DTX1: variants seen among roughly 807,000 people sequenced by gnomAD.
DTX1 encodes the protein E3 ubiquitin-protein ligase DTX1.
Under a neutral mutation model 57.8 loss-of-function variants are expected in DTX1, and 26 were observed. The observed-to-expected ratio is 0.45, with a 90% CI of 0.33 to 0.62. The LOEUF (loss-of-function observed/expected upper bound fraction) is 0.62, where lower values mean the gene tolerates loss of function less well. Ranked by LOEUF, DTX1 falls within the 20% of genes least tolerant of loss-of-function variation. The pLI, the probability that DTX1 is intolerant of heterozygous loss-of-function variation, is 0.02. For synonymous variants in DTX1, 398 were observed against 394.1 expected (o/e 1.01, Z -0.12); for missense variants, 704 against 895.3 (o/e 0.79, Z 2.73).
intron 3 of DTX1, among the ~76,000 whole-genome samples, chr12:113,090,562 C>T (rs2136065758): frequency 2.6e-5 from 4 of 152,308 alleles, no homozygotes; most frequent in Middle Eastern, 3.4e-3. Flanking sequence ...TTCCCACCTC[C>T]ACTGACCAGG....
intron 2 of DTX1, among the ~76,000 whole-genome samples, chr12:113,068,050 A>G (rs2044715689): frequency 6.6e-6 from 1 of 152,166 alleles, no homozygotes; most frequent in African/African-American, 2.4e-5. Flanking sequence ...AAAAATAAAT[A>G]AATAAATAAA....
At chr12:113,065,902 C>T (rs1221651512) in intron 2 of DTX1, among the ~76,000 whole-genome samples, 1 of 152,108 alleles carries the variant, frequency 6.6e-6, no homozygotes, top group Non-Finnish European at 1.5e-5. Flanking sequence ...ACTCTCTCTC[C>T]AGTGTGATGT....
intron 3 of DTX1, chr12:113,090,088 A>G (rs1045206357): frequency 1.3e-5 from 2 of 152,226 alleles, no homozygotes; most frequent in Admixed American, 1.3e-4. Context: ...GGTGGTATGC[A>G]TGCTCAATAT....
In DTX1 at chr12:113,058,515, T is replaced by A. The variant is rs113809221; in HGVS notation, c.259+64T>A. 23 of 1,532,828 alleles carry A rather than the reference T, an allele frequency of 1.5e-5. No individual in the cohort carries two copies. In the African/African-American group the frequency reaches 1.9e-4, roughly 13 times the overall value. The allele number at this position is 1,532,828 out of a possible 1,614,324, so 95.0% of individuals were successfully genotyped here. ...GCCATCACTACCTTGCAGCGTAGGA[T>A]GCTGAAAATCCCAGTAAATCTGCTG... On this transcript the variant is annotated intron_variant, in intron 2 of 9. Transcript: ENST00000548759.
Position 113,093,278 on chromosome 12 carries a change from C to G in DTX1, c.1003+55C>G. 6.5e-7 allele frequency: 1 copy of G among 1,536,006 alleles called. No individual in the cohort carries two copies. Among genetic ancestry groups the G allele is most frequent in the Non-Finnish European group, 8.8e-7 (1 of 1,136,804 alleles). On this transcript the variant is annotated intron_variant, in intron 4 of 9. Transcript: ENST00000548759. This position sits in a 1 kb window ranked among gnomAD's most constrained non-coding sequence, Gnocchi z 4.2. ...GGCGGGGCCCACTAGGAGGCAGCTC[C>G]GCCTGTCACCCGGTGACCCCGCCCC...
At chr12:113,066,844 A>T (rs1372214229) in intron 2 of DTX1, among the ~76,000 whole-genome samples, 1 of 152,084 alleles carries the variant, frequency 6.6e-6, no homozygotes, top group Non-Finnish European at 1.5e-5. Context: ...GCGCCAAGGA[A>T]GTCCCAGCAT....
chr12:113,080,879 G>A (rs1358839475), intron 3 of DTX1, among the ~76,000 whole-genome samples: 3 of 151,688 alleles, frequency 2.0e-5, no homozygotes, highest in African/African-American at 7.3e-5. Flanking sequence ...GAAGGCTGAG[G>A]CAAGAGGATC....
At chr12:113,082,873 T>C (rs2136062157) in intron 3 of DTX1, among the ~76,000 whole-genome samples, 1 of 152,316 alleles carries the variant, frequency 6.6e-6, no homozygotes, top group South Asian at 2.1e-4. Context: ...CTGGGAATTA[T>C]AGGCGTGAGC....
rs917253412 is a variant in DTX1 at position 113,057,968 on chromosome 12, T to C, written c.-225T>C. 4.5e-5 allele frequency: 30 copies of C among 660,026 alleles called. No individual in the cohort carries two copies. The East Asian group carries it at 8.5e-4, about 19-fold the overall frequency. 40.9% of individuals were successfully genotyped at this position (660,026 alleles called of 1,614,324 possible). On this transcript the variant is annotated 5_prime_UTR_variant, in exon 2 of 10. Coordinates refer to ENST00000548759, the MANE Select transcript of DTX1 (RefSeq NM_004416.3). Reference sequence around the variant, plus strand: ...CACTTGCTTTCCAGGGCAGCACCCTTTATCGGAGAAGGCTCTACAGGGAAG... The same window carrying C: ...CACTTGCTTTCCAGGGCAGCACCCTCTATCGGAGAAGGCTCTACAGGGAAG...
chr12:113,074,595 G>A (rs1047499529), intron 2 of DTX1, among the ~76,000 whole-genome samples: 4 of 152,222 alleles, frequency 2.6e-5, no homozygotes, highest in Non-Finnish European at 2.9e-5. Context: ...CCAAGTGAGC[G>A]GAAGCCAGGA....
intron 2 of DTX1, among the ~76,000 whole-genome samples, chr12:113,065,780 G>A (rs897033911): frequency 7.9e-5 from 12 of 152,026 alleles, no homozygotes; most frequent in Admixed American, 1.3e-4. Flanking sequence ...AGAGGGTGAC[G>A]AGGAGGGGCC....
At chr12:113,075,140 C>T (rs10850127) in intron 2 of DTX1, among the ~76,000 whole-genome samples, 30,244 of 152,238 alleles carry the variant, frequency 0.2, 4,049 homozygotes, top group Middle Eastern at 0.33. Flanking sequence ...AGCTGGCAAA[C>T]GCAGCAGTCT....
At chr12:113,072,385 G>A (rs2044742965) in intron 2 of DTX1, among the ~76,000 whole-genome samples, 1 of 152,220 alleles carries the variant, frequency 6.6e-6, no homozygotes, top group African/African-American at 2.4e-5. Context: ...TATAGCAACA[G>A]AACAGAGAAG....
intron 2 of DTX1, among the ~76,000 whole-genome samples, chr12:113,067,109 A>C (rs567435996): frequency 1.3e-5 from 2 of 152,102 alleles, no homozygotes; most frequent in South Asian, 4.2e-4. Context: ...GAGATGCAGA[A>C]CAAAGGACGA....
At chr12:113,082,275 C>T (rs1418555030) in intron 3 of DTX1, among the ~76,000 whole-genome samples, 1 of 152,190 alleles carries the variant, frequency 6.6e-6, no homozygotes, top group Non-Finnish European at 1.5e-5. Flanking sequence ...TCCTCCCCAG[C>T]CAGACAAGCC....
chr12:113,090,831 T>A (rs1235208713), intron 3 of DTX1, among the ~76,000 whole-genome samples: 1 of 152,172 alleles, frequency 6.6e-6, no homozygotes, highest in Non-Finnish European at 1.5e-5. Context: ...TGTGCAGGTG[T>A]GGGCCTCCCA....
At position 113,078,203 on chromosome 12, in the gene DTX1, A is replaced by G. The variant is rs1049357389; in HGVS notation, c.941+98A>G. On this transcript the variant is annotated intron_variant, in intron 3 of 9. Transcript: ENST00000548759. ...CACTAGGGCAGGAGCAAAGATTACA[A>G]TAATAATAATGACGATAAGTAATAT... is the stretch of plus-strand genomic sequence containing the variant. 3.0e-5 allele frequency: 28 copies of G among 923,450 alleles called. No individual in the cohort carries two copies. In the East Asian group the frequency reaches 5.3e-4, roughly 17 times the overall value. 57.2% of individuals were successfully genotyped at this position (923,450 alleles called of 1,614,324 possible).
At chr12:113,084,052 A>G (rs2044837359) in intron 3 of DTX1, among the ~76,000 whole-genome samples, 1 of 152,256 alleles carries the variant, frequency 6.6e-6, no homozygotes, top group Non-Finnish European at 1.5e-5. Context: ...CTGGACGGGT[A>G]ACAGCGAAGG....
In DTX1 at chr12:113,093,805, C is replaced by A; in HGVS notation, c.1165+105C>A. On this transcript the variant is annotated intron_variant, in intron 5 of 9. Coordinates refer to ENST00000548759, the MANE Select transcript of DTX1 (RefSeq NM_004416.3). The surrounding 1 kb of genome is among the most constrained non-coding windows in gnomAD (Gnocchi z 4.2). ...CTTATTCTTAGCATTTACTACCTCA[C>A]CTCCATTGCCTGATCTCAGCTCCCC... is the stretch of plus-strand genomic sequence containing the variant. The A allele has an allele frequency of 1.3e-6, 2 of 1,507,720 alleles. No homozygotes were observed. Among genetic ancestry groups the A allele is most frequent in the South Asian group, 1.3e-5 (1 of 79,192 alleles). 93.4% of individuals were successfully genotyped at this position (1,507,720 alleles called of 1,614,324 possible).
Sources: gnomAD v4.1 joint callset for allele counts (sites outside exome capture counted in the v4.1 genomes callset) on GRCh38, gnomAD v4.1.1 for gene constraint, Gnocchi (gnomAD v3.1) non-coding constraint, MANE v1.5 for transcripts, NCBI Gene and HGNC (gene_info 2026-07-23, HGNC 2026-07-21) for gene names.